Variants in MAP4K1 observed in about 807,000 individuals in gnomAD.
The protein encoded by MAP4K1 is MAPK/ERK kinase kinase kinase 1.
In MAP4K1, 35 loss-of-function variants were observed where a neutral mutation model predicts 122.8. The ratio of observed to expected loss-of-function variants is 0.29; its 90% CI spans 0.22 to 0.38. The LOEUF (loss-of-function observed/expected upper bound fraction) is 0.38, where lower values mean the gene tolerates loss of function less well. Ranked by LOEUF, MAP4K1 falls within the 10% of genes least tolerant of loss-of-function variation. The pLI, the probability that MAP4K1 is intolerant of heterozygous loss-of-function variation, is 1.00. For synonymous variants in MAP4K1, 412 were observed against 421.3 expected, an observed-to-expected ratio of 0.98 and a Z score of 0.27; for missense variants, 791 against 1,072.6, an observed-to-expected ratio of 0.74 and a Z score of 3.67.
At position 38,603,130 on chromosome 19, in the gene MAP4K1, GCATATACATATATACACA is replaced by G. The variant is rs1189930958; in HGVS notation, c.1447-1623_1447-1606del. On this transcript the variant is annotated intron_variant, in intron 19 of 30. Coordinates refer to ENST00000396857, the MANE Select transcript of MAP4K1 (RefSeq NM_001042600.3). ...CATATATACACATGTACATATATAC[GCATATACATATATACACA>G]CATATACATGTATACATATATACAC... Among the ~76,000 whole-genome samples, 11 of 56,592 alleles carry G rather than the reference GCATATACATATATACACA, an allele frequency of 1.9e-4. 1 individual carries two copies. The highest frequency in any genetic ancestry group is 4.9e-4 in the African/African-American group (7 of 14,262). The allele number at this position is 56,592 out of a possible 152,430, so 37.1% of individuals were successfully genotyped here.
chr19:38,595,795 C>T lies in MAP4K1; in HGVS notation c.2180-66G>A, dbSNP rs536499599. On this transcript the variant is annotated intron_variant, in intron 27 of 30. Transcript: ENST00000396857. ...TTAGAGGGTTACTAAGGGACCAATC[C>T]ATAAATTCAGTGTGAAAGCTATGTA... 253 of 1,497,892 alleles carry T rather than the reference C, an allele frequency of 1.7e-4. 4 individuals carry two copies. In the South Asian group the frequency reaches 2.1e-3, roughly 12 times the overall value. 92.8% of individuals were successfully genotyped at this position (1,497,892 alleles called of 1,614,324 possible).
rs1974917393 is a variant in MAP4K1 at position 38,597,199 on chromosome 19, A to G, written c.1838-62T>C. The G allele has an allele frequency of 6.3e-7, 1 of 1,596,796 alleles. No homozygotes were observed. Among genetic ancestry groups the G allele is most frequent in the Non-Finnish European group, 8.6e-7 (1 of 1,164,770 alleles). On this transcript the variant is annotated intron_variant, in intron 24 of 30. Coordinates refer to ENST00000396857, the MANE Select transcript of MAP4K1 (RefSeq NM_001042600.3). This position sits in a 1 kb window ranked among gnomAD's most constrained non-coding sequence, Gnocchi z 4.6. Reference sequence around the variant, plus strand: ...CTCTATCCTCCTCGCCACCCACACTACCACCCATCTTCTGGGTTCTGGACA... The same window carrying G: ...CTCTATCCTCCTCGCCACCCACACTGCCACCCATCTTCTGGGTTCTGGACA...
rs8101811 is a variant in MAP4K1, at chr19:38,597,010, C to T, written c.1941+24G>A. 0.035 allele frequency: 57,008 copies of T among 1,610,380 alleles called. 1,196 individuals carry two copies. The highest frequency in any genetic ancestry group is 0.04 in the Non-Finnish European group (46,942 of 1,176,650). On this transcript the variant is annotated intron_variant, in intron 25 of 30. Transcript: ENST00000396857. This position sits in a 1 kb window ranked among gnomAD's most constrained non-coding sequence, Gnocchi z 4.6. ...CTTAGCCACCCACTCCTCAGAGTTC[C>T]CAGCACCCTCCCAAGCCCCTTACCC...
At position 38,617,685 on chromosome 19, in the gene MAP4K1, T is replaced by C; in HGVS notation, c.100-60A>G. 1 of 1,607,868 alleles carries C rather than the reference T, an allele frequency of 6.2e-7. No individual in the cohort carries two copies. Among genetic ancestry groups the C allele is most frequent in the South Asian group, 1.1e-5 (1 of 90,968 alleles). On this transcript the variant is annotated intron_variant, in intron 1 of 30. Transcript: ENST00000396857. This position sits in a 1 kb window ranked among gnomAD's most constrained non-coding sequence, Gnocchi z 4.1. ...CATTTGCCAGAGTCCCTCCACAGCATCCCTGAGTCAAGGTCAAGAACTGGG... is the reference window on the plus strand; with the variant it reads ...CATTTGCCAGAGTCCCTCCACAGCACCCCTGAGTCAAGGTCAAGAACTGGG...
intron 13 of MAP4K1, among the ~76,000 whole-genome samples, chr19:38,609,372 T>A (rs1975427070): frequency 6.6e-6 from 1 of 152,160 alleles, no homozygotes. Context: ...TGACCTCAGA[T>A]GATCTGCCCA....
chr19:38,599,827 C>CT (rs939320065), intron 22 of MAP4K1, 98 bp downstream of exon 22: 2 of 1,146,410 alleles, frequency 1.7e-6, no homozygotes, highest in Non-Finnish European at 2.6e-6. Flanking sequence ...ACCAAGCAGT[C>CT]TAAGTTTTTT....
chr19:38,589,748 G>A (rs973762233), intron 30 of MAP4K1, among the ~76,000 whole-genome samples: 3 of 152,148 alleles, frequency 2.0e-5, no homozygotes, highest in Non-Finnish European at 2.9e-5. Context: ...GAAAAACAGA[G>A]GCTGGGTGCG....
At chr19:38,603,784 G>A (rs888565112) in intron 19 of MAP4K1, among the ~76,000 whole-genome samples, 5 of 152,118 alleles carry the variant, frequency 3.3e-5, no homozygotes, top group African/African-American at 1.2e-4. Flanking sequence ...AGGAGTTTGA[G>A]ACCAGCCTGG....
At chr19:38,596,563 C>A in intron 25 of MAP4K1, 77 bp from the exon 26 acceptor site, 1 of 1,224,286 alleles carries the variant, frequency 8.2e-7, no homozygotes, top group Non-Finnish European at 1.1e-6. Flanking sequence ...TGTAGCTGGC[C>A]TGGGACTTCC....
intron 13 of MAP4K1, among the ~76,000 whole-genome samples, chr19:38,609,230 G>GT (rs761684341): frequency 6.6e-6 from 1 of 152,090 alleles, no homozygotes; most frequent in African/African-American, 2.4e-5. Flanking sequence ...CACCTCCCAG[G>GT]TTCAGGCAAT....
At chr19:38,602,102 G>A (rs1975081528) in intron 19 of MAP4K1, among the ~76,000 whole-genome samples, 2 of 151,980 alleles carry the variant, frequency 1.3e-5, no homozygotes, top group Non-Finnish European at 1.5e-5. Flanking sequence ...TGGAGATGGA[G>A]TCTCACTCTG....
At position 38,608,033 on chromosome 19, in the gene MAP4K1, C is replaced by G. The variant is rs751146640; in HGVS notation, c.1066G>C (p.Ala356Pro). ...AGGTCTCGAGGAGGCTGTAGGCGAG[C>G]CTGTGGGGTAGGAAAAGGGTCAGCA... Reference protein sequence around the residue: ...GMETRPPANTARLQPPRDLRS... With the variant: ...GMETRPPANTPRLQPPRDLRS... Residue 356 changes from alanine to proline, a missense_variant and splice_region_variant, in exon 15 of 31, where the codon GCT (alanine) becomes CCT (proline). By Grantham distance (27) the Ala-to-Pro change is conservative (BLOSUM62 -1). Coordinates refer to ENST00000396857, the MANE Select transcript of MAP4K1 (RefSeq NM_001042600.3). The G allele has an allele frequency of 5.0e-6, 8 of 1,598,066 alleles. No individual in the cohort carries two copies. Among genetic ancestry groups the G allele is most frequent in the Non-Finnish European group, 6.0e-6 (7 of 1,170,594 alleles).
At chr19:38,599,395 C>T (rs1171852380) in intron 22 of MAP4K1, among the ~76,000 whole-genome samples, 2 of 146,712 alleles carry the variant, frequency 1.4e-5, no homozygotes, top group African/African-American at 5.1e-5. Context: ...GGTGTGGTGG[C>T]TCATGCCTGT....
intron 4 of MAP4K1, among the ~76,000 whole-genome samples, chr19:38,615,684 A>G (rs540196088): frequency 2.6e-5 from 4 of 152,208 alleles, no homozygotes; most frequent in Non-Finnish European, 4.4e-5. Flanking sequence ...GGACTTCTCA[A>G]TGACGTCCTT....
At chr19:38,613,359 T>C (rs1335582533) in intron 8 of MAP4K1, among the ~76,000 whole-genome samples, 2 of 145,562 alleles carry the variant, frequency 1.4e-5, no homozygotes, top group Non-Finnish European at 3.0e-5. Flanking sequence ...ACACCATCTC[T>C]ACACAAATTT....
At chr19:38,605,346 C>CCCCCCCCCCCGCCA in intron 19 of MAP4K1, 63 bp downstream of exon 19, 1 of 1,224,530 alleles carries the variant, frequency 8.2e-7, no homozygotes, top group Non-Finnish European at 1.2e-6. Flanking sequence ...ACCCCCTCCC[C>CCCCCCCCCCCGCCA]ACCCCACCAG....
At chr19:38,596,079 T>G in intron 26 of MAP4K1, 78 bp from the exon 27 acceptor site, 1 of 1,382,382 alleles carries the variant, frequency 7.2e-7, no homozygotes, top group Non-Finnish European at 1.0e-6. Context: ...GGCCAGTACC[T>G]GTGCTTTAGC....
intron 19 of MAP4K1, among the ~76,000 whole-genome samples, chr19:38,604,128 CAAAAAAAAAA>C (rs200072842): frequency 3.2e-4 from 17 of 53,520 alleles, no homozygotes; most frequent in Non-Finnish European, 9.4e-5. Context: ...GATACTATCT[CAAAAAAAAAA>C]AAAAAAAAAA....
chr19:38,613,938 A>AGAT lies in MAP4K1; in HGVS notation c.472_474dup (p.Ile158dup). On this transcript the variant is annotated inframe_insertion, in exon 8 of 31. Coordinates refer to ENST00000396857, the MANE Select transcript of MAP4K1 (RefSeq NM_001042600.3). ...GCCAGTGTAGCCCCAATCTGGGCCG[A>AGAT]GATGCCAAAGTCAGCTGGAAGCAGA... is the stretch of plus-strand genomic sequence containing the variant. 1 of 1,614,008 alleles carries AGAT rather than the reference A, an allele frequency of 6.2e-7. No individual in the cohort carries two copies. The highest frequency in any genetic ancestry group is 8.5e-7 in the Non-Finnish European group (1 of 1,179,996).
Sources: gnomAD v4.1 joint callset for allele counts (sites outside exome capture counted in the v4.1 genomes callset) on GRCh38, gnomAD v4.1.1 for gene constraint, Gnocchi (gnomAD v3.1) non-coding constraint, MANE v1.5 for transcripts, NCBI Gene and HGNC (gene_info 2026-07-23, HGNC 2026-07-21) for gene names.